The following CNTNAP2 variants were observed in gnomAD, a reference collection of about 807,000 sequenced individuals.
The protein encoded by CNTNAP2 is contactin-associated protein-like 2.
A neutral mutation model predicts 155.2 loss-of-function variants in CNTNAP2; 98 were observed. The ratio of observed to expected loss-of-function variants is 0.63; its 90% CI spans 0.54 to 0.75. The LOEUF (loss-of-function observed/expected upper bound fraction) is 0.75, where lower values mean the gene tolerates loss of function less well. Among genes scored for constraint, CNTNAP2 ranks in the 30% least tolerant of loss-of-function variants. The pLI is 0.00. For synonymous variants in CNTNAP2, 651 were observed against 631.2 expected, an observed-to-expected ratio of 1.03 and a Z score of -0.47; for missense variants, 1,727 against 1,688.1, an observed-to-expected ratio of 1.02 and a Z score of -0.40.
intron 13 of CNTNAP2, among the ~76,000 whole-genome samples, chr7:147,779,478 A>G (rs949404305): frequency 6.6e-6 from 1 of 152,226 alleles, no homozygotes; most frequent in East Asian, 1.9e-4. Context: ...CTTTACATAT[A>G]AAAGGGCTGA....
intron 4 of CNTNAP2, among the ~76,000 whole-genome samples, chr7:147,083,563 TAC>T (rs1333335047): frequency 7.3e-6 from 1 of 136,176 alleles, no homozygotes; most frequent in African/African-American, 3.1e-5. Context: ...TATATATATA[TAC>T]ACATATATAT....
intron 15 of CNTNAP2, among the ~76,000 whole-genome samples, chr7:148,064,499 G>A (rs1309266689): frequency 6.6e-6 from 1 of 151,882 alleles, no homozygotes; most frequent in Non-Finnish European, 1.5e-5. Context: ...CTAAGGATAT[G>A]ATTGTATACC....
chr7:146,790,892 A>C (rs1186369782), intron 2 of CNTNAP2, among the ~76,000 whole-genome samples: 1 of 150,542 alleles, frequency 6.6e-6, no homozygotes, highest in Non-Finnish European at 1.5e-5. Context: ...ATTTCTATGC[A>C]GGGGCCTGGA....
intron 1 of CNTNAP2, among the ~76,000 whole-genome samples, chr7:146,328,332 A>C (rs1317106956): frequency 6.6e-6 from 1 of 152,106 alleles, no homozygotes; most frequent in African/African-American, 2.4e-5. Context: ...CCCGGTGCCA[A>C]AAAGTTTGGG....
At position 147,170,416 on chromosome 7, in the gene CNTNAP2, G is replaced by A. The variant is rs555557611; in HGVS notation, c.1348+37907G>A. On this transcript the variant is annotated intron_variant, in intron 8 of 23. Coordinates refer to ENST00000361727, the MANE Select transcript of CNTNAP2 (RefSeq NM_014141.6). ...CACTGCTGATCACCGGCACTGTGCCGTGGCTTTGTTTGTTTGTTTGTTTGT... is the reference window on the plus strand; with the variant it reads ...CACTGCTGATCACCGGCACTGTGCCATGGCTTTGTTTGTTTGTTTGTTTGT... Among the ~76,000 whole-genome samples the A allele has an allele frequency of 9.7e-4, 147 of 151,876 alleles. 1 individual carries two copies. The highest frequency in any genetic ancestry group is 1.5e-3 in the Non-Finnish European group (102 of 67,856).
chr7:147,605,193 G>A (rs1255284342), intron 12 of CNTNAP2, among the ~76,000 whole-genome samples: 1 of 151,960 alleles, frequency 6.6e-6, no homozygotes, highest in African/African-American at 2.4e-5. Flanking sequence ...TTTGATCATT[G>A]TCCATTTCTT....
chr7:147,758,828 G>A (rs1376299441), intron 13 of CNTNAP2, among the ~76,000 whole-genome samples: 2 of 152,168 alleles, frequency 1.3e-5, no homozygotes, highest in Non-Finnish European at 2.9e-5. Context: ...CTGGGTAACA[G>A]AGTGAGACAC....
intron 13 of CNTNAP2, among the ~76,000 whole-genome samples, chr7:147,695,887 T>C (rs1207286900): frequency 1.3e-5 from 2 of 152,236 alleles, no homozygotes; most frequent in Non-Finnish European, 2.9e-5. Flanking sequence ...AGAATTGTTA[T>C]GACTTTTGGC....
intron 1 of CNTNAP2, among the ~76,000 whole-genome samples, chr7:146,257,907 C>T (rs1010474543): frequency 6.0e-5 from 9 of 149,816 alleles, no homozygotes; most frequent in East Asian, 1.9e-4. Flanking sequence ...TTTTTGGAGA[C>T]GTGGTCTTGC....
chr7:146,773,245 A>G (rs962528858), intron 1 of CNTNAP2, among the ~76,000 whole-genome samples: 10 of 152,230 alleles, frequency 6.6e-5, no homozygotes, highest in African/African-American at 2.2e-4. Flanking sequence ...TATAAAAGCC[A>G]AGTGCAGAAA....
intron 3 of CNTNAP2, among the ~76,000 whole-genome samples, chr7:146,898,072 C>T (rs1264909752): frequency 1.3e-5 from 2 of 151,838 alleles, no homozygotes; most frequent in Admixed American, 1.3e-4. Context: ...GAATAATATA[C>T]ATGGACATCA....
intron 1 of CNTNAP2, among the ~76,000 whole-genome samples, chr7:146,337,450 G>A (rs1012949435): frequency 3.9e-5 from 6 of 151,998 alleles, no homozygotes; most frequent in African/African-American, 9.7e-5. Flanking sequence ...GAATGCACAC[G>A]ATTACTGTTT....
At chr7:147,423,452 T>G (rs1275451440) in intron 10 of CNTNAP2, among the ~76,000 whole-genome samples, 2 of 152,174 alleles carry the variant, frequency 1.3e-5, no homozygotes, top group Non-Finnish European at 2.9e-5. Context: ...TTGAAGTGGT[T>G]CCAAAACCAT....
chr7:147,792,207 C>T (rs543932283), intron 13 of CNTNAP2, among the ~76,000 whole-genome samples: 1 of 152,152 alleles, frequency 6.6e-6, no homozygotes, highest in Non-Finnish European at 1.5e-5. Flanking sequence ...TATGAAGATA[C>T]AATTCACCAC....
chr7:147,802,614 A>G (rs945264805), intron 13 of CNTNAP2, among the ~76,000 whole-genome samples: 5 of 152,100 alleles, frequency 3.3e-5, no homozygotes, highest in African/African-American at 4.8e-5. Flanking sequence ...TCTCCACCAA[A>G]AAAGTACGAA....
intron 13 of CNTNAP2, among the ~76,000 whole-genome samples, chr7:147,837,478 C>T (rs772881333): frequency 1.6e-4 from 24 of 152,100 alleles, no homozygotes; most frequent in Non-Finnish European, 2.2e-4. Flanking sequence ...GCCCCAGCCC[C>T]TCCCAAATCT....
chr7:147,610,011 ACAAT>A (rs1801151749), intron 12 of CNTNAP2, among the ~76,000 whole-genome samples: 1 of 152,042 alleles, frequency 6.6e-6, no homozygotes, highest in Admixed American at 6.6e-5. Flanking sequence ...AAGGGTGAGG[ACAAT>A]CAGTGTGTTT....
intron 8 of CNTNAP2, among the ~76,000 whole-genome samples, chr7:147,256,785 T>C (rs1296047618): frequency 6.6e-6 from 1 of 152,054 alleles, no homozygotes; most frequent in African/African-American, 2.4e-5. Context: ...CGCATTGAAC[T>C]TGGTGTCATC....
At chr7:147,417,788 C>T (rs2116501663) in intron 10 of CNTNAP2, among the ~76,000 whole-genome samples, 1 of 151,996 alleles carries the variant, frequency 6.6e-6, no homozygotes, top group East Asian at 1.9e-4. Context: ...TCAAGGAGCC[C>T]CAGGCAAGAA....
Sources: gnomAD v4.1 joint callset for allele counts (sites outside exome capture counted in the v4.1 genomes callset) on GRCh38, gnomAD v4.1.1 for gene constraint, MANE v1.5 for transcripts, NCBI Gene and HGNC (gene_info 2026-07-23, HGNC 2026-07-21) for gene names.